The following CSMD3 variants were observed in gnomAD, a reference collection of about 807,000 sequenced individuals.
CSMD3 encodes the protein CUB and Sushi multiple domains 3.
A neutral mutation model predicts 435.2 loss-of-function variants in CSMD3; 177 were observed. The ratio of observed to expected loss-of-function variants is 0.41; its 90% CI spans 0.36 to 0.46. The LOEUF is 0.46. Ranked by LOEUF, CSMD3 falls within the 20% of genes least tolerant of loss-of-function variation. The probability of loss-of-function intolerance (pLI) is 0.34; values close to 1 mark genes in which losing one functional copy is unlikely to be tolerated. For synonymous variants in CSMD3, 1,656 were observed against 1,520.5 expected, an observed-to-expected ratio of 1.09 and a Z score of -2.07; for missense variants, 4,265 against 4,504.6, an observed-to-expected ratio of 0.95 and a Z score of 1.52.
intron 3 of CSMD3, among the ~76,000 whole-genome samples, chr8:113,174,920 A>G (rs1263123584): frequency 6.6e-6 from 1 of 151,876 alleles, no homozygotes; most frequent in East Asian, 1.9e-4. Flanking sequence ...TTCCATAAGT[A>G]GTTATATCAA....
intron 10 of CSMD3, among the ~76,000 whole-genome samples, chr8:112,863,597 ATTTC>A (rs1453950494): frequency 3.3e-5 from 5 of 151,968 alleles, no homozygotes; most frequent in African/African-American, 9.7e-5. Flanking sequence ...CAATTTCATA[ATTTC>A]TTTATTATCC....
intron 42 of CSMD3, among the ~76,000 whole-genome samples, chr8:112,341,204 C>G (rs762934165): frequency 2.0e-5 from 3 of 151,884 alleles, no homozygotes; most frequent in Non-Finnish European, 4.4e-5. Context: ...ATTTGCCATG[C>G]CTTGCTTAAT....
chr8:112,872,646 C>G (rs1413893288), intron 10 of CSMD3, among the ~76,000 whole-genome samples: 1 of 151,856 alleles, frequency 6.6e-6, no homozygotes, highest in African/African-American at 2.4e-5. Flanking sequence ...TCCCTTTGCT[C>G]CTTGTTTCTC....
At chr8:112,658,800 A>T (rs56222715) in intron 17 of CSMD3, among the ~76,000 whole-genome samples, 6,427 of 152,134 alleles carry the variant, frequency 0.042, 451 homozygotes, top group African/African-American at 0.15. Flanking sequence ...TCTACTAAAA[A>T]TACCAAAATT....
intron 13 of CSMD3, among the ~76,000 whole-genome samples, chr8:112,712,858 C>T (rs949719021): frequency 1.3e-5 from 2 of 151,354 alleles, no homozygotes; most frequent in South Asian, 2.1e-4. Context: ...ACTGAACTTA[C>T]TTAGGTGCTG....
chr8:113,129,780 G>A (rs1172058456), intron 4 of CSMD3, among the ~76,000 whole-genome samples: 2 of 152,032 alleles, frequency 1.3e-5, no homozygotes, highest in Non-Finnish European at 2.9e-5. Context: ...GGAGGGGAGA[G>A]TGGAGGATGA....
At chr8:113,060,925 C>A (rs1233119434) in intron 5 of CSMD3, among the ~76,000 whole-genome samples, 1 of 152,116 alleles carries the variant, frequency 6.6e-6, no homozygotes, top group Non-Finnish European at 1.5e-5. Flanking sequence ...ACCAATAATA[C>A]CCTTGAAAAA....
At chr8:112,332,729 C>T (rs1369734877) in intron 45 of CSMD3, among the ~76,000 whole-genome samples, 1 of 151,878 alleles carries the variant, frequency 6.6e-6, no homozygotes, top group Non-Finnish European at 1.5e-5. Flanking sequence ...TTTTTTTGCA[C>T]CTTATTATAA....
At chr8:112,824,201 C>G (rs1251458837) in intron 12 of CSMD3, among the ~76,000 whole-genome samples, 1 of 151,912 alleles carries the variant, frequency 6.6e-6, no homozygotes, top group Non-Finnish European at 1.5e-5. Context: ...TGTGTCTTTG[C>G]ACATAAGATG....
chr8:112,573,088 C>G (rs1829665571), intron 24 of CSMD3, among the ~76,000 whole-genome samples: 1 of 152,048 alleles, frequency 6.6e-6, no homozygotes, highest in Non-Finnish European at 1.5e-5. Context: ...TGTGAAACAA[C>G]CTGAAGTCTT....
chr8:112,960,751 G>GGGATAC (rs1272663768), intron 7 of CSMD3, among the ~76,000 whole-genome samples: 1 of 151,616 alleles, frequency 6.6e-6, no homozygotes, highest in Non-Finnish European at 1.5e-5. Flanking sequence ...AAACATACTA[G>GGGATAC]GGATACACGA....
At chr8:112,359,201 T>C (rs1826937067) in intron 38 of CSMD3, among the ~76,000 whole-genome samples, 1 of 152,212 alleles carries the variant, frequency 6.6e-6, no homozygotes, top group African/African-American at 2.4e-5. Context: ...TTATACTGTA[T>C]ACATACGGAT....
Position 112,852,179 on chromosome 8 carries a change from A to G in CSMD3, c.1755+6966T>C, listed in dbSNP as rs73344069. On this transcript the variant is annotated intron_variant, in intron 11 of 70. Coordinates refer to ENST00000297405, the MANE Select transcript of CSMD3 (RefSeq NM_198123.2). ...CAATGAAAGATAATAGAATGGACAC[A>G]TGGGTAGAAAACAGGACAGATTTCC... is the stretch of plus-strand genomic sequence containing the variant. 3.0e-3 allele frequency among the ~76,000 whole-genome samples: 450 copies of G among 152,334 alleles called. 1 individual carries two copies. The highest frequency in any genetic ancestry group is 0.01 in the African/African-American group (416 of 41,578).
chr8:112,468,234 ATTT>A (rs771573736), intron 32 of CSMD3, among the ~76,000 whole-genome samples: 125 of 93,664 alleles, frequency 1.3e-3, no homozygotes, highest in Middle Eastern at 7.1e-3. Context: ...TGCCTAAAGT[ATTT>A]TTTTTTTTTT....
At chr8:112,477,205 T>C (rs1819140709) in intron 31 of CSMD3, among the ~76,000 whole-genome samples, 1 of 152,226 alleles carries the variant, frequency 6.6e-6, no homozygotes, top group Admixed American at 6.5e-5. Context: ...CTATTTTTTT[T>C]CTTTCTGCGA....
intron 6 of CSMD3, among the ~76,000 whole-genome samples, chr8:113,014,856 G>A (rs1010915672): frequency 9.2e-5 from 14 of 152,050 alleles, no homozygotes; most frequent in African/African-American, 2.9e-4. Context: ...TCTAAATAAA[G>A]ATTGAAGAGT....
chr8:113,430,457 A>C (rs190213319), intron 1 of CSMD3, among the ~76,000 whole-genome samples: 3 of 152,050 alleles, frequency 2.0e-5, no homozygotes, highest in African/African-American at 7.2e-5. Flanking sequence ...TCATTATTTG[A>C]CCTTCAGTGG....
chr8:112,382,786 T>A (rs183875718), intron 37 of CSMD3, among the ~76,000 whole-genome samples: 1 of 152,238 alleles, frequency 6.6e-6, no homozygotes, highest in East Asian at 1.9e-4. Flanking sequence ...AGTCAGAAGT[T>A]CACGACCCGC....
At chr8:113,059,524 A>C (rs1399174579) in intron 5 of CSMD3, among the ~76,000 whole-genome samples, 1 of 152,176 alleles carries the variant, frequency 6.6e-6, no homozygotes, top group Non-Finnish European at 1.5e-5. Context: ...TTCCATGCTA[A>C]TATTTTCACA....
Sources: allele counts gnomAD v4.1 joint callset (sites outside exome capture counted in the v4.1 genomes callset), GRCh38; gene constraint gnomAD v4.1.1; transcripts MANE v1.5; gene names NCBI Gene and HGNC (gene_info 2026-07-23, HGNC 2026-07-21).